The following DNAJB6 variants were observed in gnomAD, a reference collection of about 807,000 sequenced individuals.
DNAJB6 encodes dnaJ homolog subfamily B member 6.
DNAJB6 carries 16 observed loss-of-function variants against 42.7 expected under a neutral mutation model. The observed-to-expected ratio is 0.37, with a 90% CI of 0.25 to 0.57. The LOEUF (loss-of-function observed/expected upper bound fraction) is 0.57. Ranked by LOEUF, DNAJB6 falls within the 20% of genes least tolerant of loss-of-function variation. DNAJB6 has a pLI of 0.74. For synonymous variants in DNAJB6, 170 were observed against 163.5 expected, an observed-to-expected ratio of 1.04 and a Z score of -0.30; for missense variants, 347 against 416.8, an observed-to-expected ratio of 0.83 and a Z score of 1.46.
At chr7:157,358,415 G>C in intron 1 of DNAJB6, 132 bp from the exon 2 acceptor site, 1 of 618,556 alleles carries the variant, frequency 1.6e-6, no homozygotes, top group Non-Finnish European at 2.9e-6. Flanking sequence ...GTTAGCTCTA[G>C]TGGAAGTTCC....
chr7:157,380,759 G>A (rs961957161), intron 5 of DNAJB6: 2 of 152,258 alleles, frequency 1.3e-5, no homozygotes, highest in African/African-American at 4.8e-5. Flanking sequence ...AATGCCTTGG[G>A]CTTGGCATTG....
At chr7:157,353,735 CTG>C (rs958383670) in intron 1 of DNAJB6, among the ~76,000 whole-genome samples, 1 of 152,082 alleles carries the variant, frequency 6.6e-6, no homozygotes, top group African/African-American at 2.4e-5. Flanking sequence ...TCCTGACTCA[CTG>C]TAGCCTTGAC....
chr7:157,341,524 C>T (rs758038216), intron 1 of DNAJB6, among the ~76,000 whole-genome samples: 16 of 152,324 alleles, frequency 1.1e-4, no homozygotes, highest in Non-Finnish European at 1.9e-4. Context: ...TATTTTTCTA[C>T]TTACCTTTTG....
chr7:157,373,540 G>A (rs532653354), intron 5 of DNAJB6, among the ~76,000 whole-genome samples: 4 of 152,300 alleles, frequency 2.6e-5, no homozygotes, highest in African/African-American at 4.8e-5. Context: ...TAGTAGAGAC[G>A]GAGTTTCACC....
intron 1 of DNAJB6, among the ~76,000 whole-genome samples, chr7:157,342,980 T>G: frequency 6.6e-6 from 1 of 151,932 alleles, no homozygotes; most frequent in East Asian, 1.9e-4. Flanking sequence ...TCTGTACTTT[T>G]TTTGTTTTTG....
intron 5 of DNAJB6, chr7:157,368,623 TG>T (rs563770942): frequency 6.1e-4 from 94 of 153,094 alleles, no homozygotes; most frequent in African/African-American, 2.1e-3. Flanking sequence ...GGGCACAGTT[TG>T]GGTCAGGCAC....
intron 9 of DNAJB6, 139 bp downstream of exon 9, chr7:157,410,140 A>G: frequency 7.1e-7 from 1 of 1,411,536 alleles, no homozygotes; most frequent in Non-Finnish European, 9.2e-7. Flanking sequence ...GGGCGGGAGG[A>G]GGTAGCCTCG....
intron 8 of DNAJB6, among the ~76,000 whole-genome samples, chr7:157,390,899 A>G (rs966032498): frequency 6.6e-6 from 1 of 152,178 alleles, no homozygotes; most frequent in Non-Finnish European, 1.5e-5. Context: ...ACAGTGGTGC[A>G]GTCACAGCTC....
In DNAJB6 at chr7:157,417,268, T is replaced by C. The variant is rs1292173987; in HGVS notation, c.*1170T>C. 1.3e-5 allele frequency: 2 copies of C among 152,204 alleles called. No homozygotes were observed. The highest frequency in any genetic ancestry group is 4.8e-5 in the African/African-American group (2 of 41,452). The allele number at this position is 152,204 out of a possible 1,614,324, so 9.4% of individuals were successfully genotyped here. On this transcript the variant is annotated 3_prime_UTR_variant, in exon 10 of 10. Transcript: ENST00000262177. ...CCCAGGCTTGGGAGCCAGAAACAAG[T>C]GTGACCTGGGATTTTATTTAACACA...
intron 3 of DNAJB6, among the ~76,000 whole-genome samples, chr7:157,365,680 T>C (rs1296216980): frequency 1.3e-5 from 2 of 152,180 alleles, no homozygotes; most frequent in Non-Finnish European, 2.9e-5. Flanking sequence ...TTTTTTTTGC[T>C]TTTGAGATGG....
At chr7:157,348,579 C>T (rs1026913965) in intron 1 of DNAJB6, among the ~76,000 whole-genome samples, 2 of 152,128 alleles carry the variant, frequency 1.3e-5, no homozygotes, top group African/African-American at 4.8e-5. Flanking sequence ...GATTCCCGCA[C>T]ATATCGTTTG....
intron 2 of DNAJB6, 87 bp from the exon 3 acceptor site, chr7:157,363,074 C>A: frequency 2.3e-6 from 2 of 854,188 alleles, no homozygotes; most frequent in Non-Finnish European, 3.7e-6. Flanking sequence ...AGCTCTGAAG[C>A]CATTCTCGTG....
chr7:157,367,040 C>T (rs1399230206), intron 4 of DNAJB6, among the ~76,000 whole-genome samples: 13 of 152,122 alleles, frequency 8.5e-5, no homozygotes, highest in Admixed American at 4.6e-4. Context: ...GGCCAGTCGT[C>T]GAAGTGGATG....
intron 5 of DNAJB6, chr7:157,369,494 G>C (rs115469457): frequency 6.7e-5 from 30 of 446,608 alleles, no homozygotes; most frequent in Admixed American, 2.9e-4. Flanking sequence ...GGCTGTCCTC[G>C]TGATGTCTGA....
intron 8 of DNAJB6, among the ~76,000 whole-genome samples, chr7:157,397,023 C>T (rs1325619520): frequency 1.3e-5 from 2 of 152,180 alleles, no homozygotes; most frequent in East Asian, 3.9e-4. Flanking sequence ...TTATCCTCAC[C>T]ACTCGGCTGA....
intron 8 of DNAJB6, among the ~76,000 whole-genome samples, chr7:157,407,535 G>T (rs1239977767): frequency 6.6e-6 from 1 of 152,198 alleles, no homozygotes; most frequent in African/African-American, 2.4e-5. Flanking sequence ...GCAGGTTCTG[G>T]TTGGCCCTTT....
At chr7:157,373,364 G>A (rs935456633) in intron 5 of DNAJB6, among the ~76,000 whole-genome samples, 11 of 152,156 alleles carry the variant, frequency 7.2e-5, no homozygotes, top group South Asian at 4.2e-4. Flanking sequence ...CTCACCCCTC[G>A]CTCTGAGACA....
chr7:157,350,553 C>G (rs934590361), intron 1 of DNAJB6, among the ~76,000 whole-genome samples: 2 of 152,086 alleles, frequency 1.3e-5, no homozygotes, highest in Admixed American at 1.3e-4. Context: ...AAAGGTTGCA[C>G]TAATTAGTGG....
intron 1 of DNAJB6, 46 bp from the exon 2 acceptor site, chr7:157,358,501 C>G: frequency 7.7e-7 from 1 of 1,290,538 alleles, no homozygotes; most frequent in South Asian, 1.2e-5. Flanking sequence ...CCGTGATTTG[C>G]CCATCCCCAG....
Sources: gnomAD v4.1 joint callset for allele counts (sites outside exome capture counted in the v4.1 genomes callset) on GRCh38, gnomAD v4.1.1 for gene constraint, MANE v1.5 for transcripts, NCBI Gene and HGNC (gene_info 2026-07-23, HGNC 2026-07-21) for gene names.